DRP2: variants seen among roughly 807,000 people sequenced by gnomAD.
The protein encoded by DRP2 is dystrophin-related protein 2.
In DRP2, 29 loss-of-function variants were observed where a neutral mutation model predicts 78.2. The observed-to-expected ratio is 0.37, with a 90% CI of 0.28 to 0.51. DRP2 has a LOEUF of 0.51. Ranked by LOEUF, DRP2 falls within the 20% of genes least tolerant of loss-of-function variation. The pLI, the probability that DRP2 is intolerant of heterozygous loss-of-function variation, is 0.94. For missense variants in DRP2, 686 were observed against 770.6 expected, an observed-to-expected ratio of 0.89 and a Z score of 1.30; for synonymous variants, 290 against 281.9, an observed-to-expected ratio of 1.03 and a Z score of -0.29.
chrX:101,226,392 TC>T (rs773401669), intron 2 of DRP2, among the ~76,000 whole-genome samples: 1 of 112,307 alleles, frequency 8.9e-6, no homozygotes, highest in Admixed American at 9.5e-5. Context: ...CCTATACATC[TC>T]CAGTTTATGG....
chrX:101,229,593 A>AT (rs757522487), intron 2 of DRP2, among the ~76,000 whole-genome samples: 25 of 105,226 alleles, frequency 2.4e-4, no homozygotes, highest in Non-Finnish European at 3.1e-4. Context: ...GTGAAGTGAG[A>AT]TTTTTTTTTT....
chrX:101,221,633 C>G (rs1023105246), intron 1 of DRP2, among the ~76,000 whole-genome samples: 1 of 112,266 alleles, frequency 8.9e-6, no homozygotes, highest in African/African-American at 3.2e-5. Flanking sequence ...GCTCTGTGCT[C>G]CAGGTCAGAT....
rs1402813049 is a variant in DRP2, at chrX:101,224,667, C to A, written c.-103C>A. 1 of 112,486 alleles carries A rather than the reference C, an allele frequency of 8.9e-6. No individual in the cohort carries two copies. The highest frequency in any genetic ancestry group is 2.8e-4 in the East Asian group (1 of 3,552). The allele number at this position is 112,486 out of a possible 1,213,427, so 9.3% of individuals were successfully genotyped here. On this transcript the variant is annotated 5_prime_UTR_variant, in exon 2 of 24. Transcript: ENST00000395209. The stretch of plus-strand genomic sequence containing the variant: ...ATAACATTTGAATATCTACTAAATG[C>A]CAGAAACTATGAATTAACTCCTCTC...
In DRP2 at chrX:101,242,349, A is replaced by G. The variant is rs1200762256; in HGVS notation, c.853A>G (p.Met285Val). ...IKLFKEEFSP[M>V]KDGVKLVNDL... ...GCTGTTCAAAGAAGAATTCTCCCCC[A>G]TGAAAGATGGAGTAAAGTTGGTGAA... The change falls in exon 8 of 24, where the codon ATG becomes GTG. Residue 285 changes from methionine to valine, a missense_variant. Physicochemically the swap from Met to Val is conservative, Grantham distance 21. This residue lies in a region of DRP2 where 263 missense variants were observed against 239.1 expected (regional missense o/e 1.10). Transcript: ENST00000395209. The G allele has an allele frequency of 8.3e-7, 1 of 1,211,361 alleles. No homozygotes were observed. Among genetic ancestry groups the G allele is most frequent in the Middle Eastern group, 2.3e-4 (1 of 4,351 alleles).
rs747968199 is a variant in DRP2 at position 101,250,563 on chromosome X, C to T, written c.1681C>T (p.Arg561Cys). 7 of 1,195,359 alleles carry T rather than the reference C, an allele frequency of 5.9e-6. No homozygotes were observed. Among genetic ancestry groups the T allele is most frequent in the East Asian group, 3.0e-5 (1 of 33,479 alleles). Residue 561 changes from arginine to cysteine, a missense_variant, in exon 15 of 24, where the codon CGT (arginine) becomes TGT (cysteine). Physicochemically the swap from Arg to Cys is radical, Grantham distance 180 (BLOSUM62 -3). Transcript: ENST00000395209. ...FGGSNVEPSV[R>C]SCFRFSTGKP... ...GGGCAGCAATGTGGAGCCCAGTGTC[C>T]GTAGTTGCTTCCGTTTTGTGAGTAT...
At chrX:101,243,412 A>C (rs959045106) in intron 9 of DRP2, among the ~76,000 whole-genome samples, 11 of 102,590 alleles carry the variant, frequency 1.1e-4, no homozygotes, top group Middle Eastern at 4.9e-3. Flanking sequence ...AAAAAAAAAA[A>C]AAAACACAAT....
intron 22 of DRP2, among the ~76,000 whole-genome samples, chrX:101,259,028 T>C (rs1403458348): frequency 8.9e-6 from 1 of 111,743 alleles, no homozygotes; most frequent in East Asian, 2.8e-4. Context: ...GCAATGTGTA[T>C]GCTGTGGTAA....
At chrX:101,227,115 A>G in intron 2 of DRP2, among the ~76,000 whole-genome samples, 1 of 111,396 alleles carries the variant, frequency 9.0e-6, no homozygotes, top group Non-Finnish European at 1.9e-5. Context: ...TTATTAATTC[A>G]TTAATCCATG....
intron 1 of DRP2, among the ~76,000 whole-genome samples, chrX:101,224,274 G>A (rs1922031657): frequency 1.2e-5 from 1 of 82,708 alleles, no homozygotes. Flanking sequence ...CACAATCTCG[G>A]CTGGGAGGCT....
At chrX:101,248,931 G>A (rs1483643830) in intron 14 of DRP2, among the ~76,000 whole-genome samples, 2 of 112,262 alleles carry the variant, frequency 1.8e-5, no homozygotes, top group East Asian at 5.6e-4. Context: ...GGCCTATCAG[G>A]CTTAGCCCTC....
chrX:101,245,259 G>A (rs1922886288), intron 10 of DRP2, 129 bp from the exon 11 acceptor site: 2 of 823,058 alleles, frequency 2.4e-6, no homozygotes, highest in African/African-American at 2.0e-5. Context: ...TTGGGCTTTG[G>A]CATCTTGGGT....
At chrX:101,229,675 A>G (rs989810731) in intron 2 of DRP2, among the ~76,000 whole-genome samples, 1 of 110,937 alleles carries the variant, frequency 9.0e-6, no homozygotes, top group African/African-American at 3.3e-5. Flanking sequence ...AATGGTGGTT[A>G]TTTAATTATC....
At position 101,224,181 on chromosome X, in the gene DRP2, G is replaced by GTTTTTTTTTTTTTTT. The variant is rs1379202759; in HGVS notation, c.-166-423_-166-422insTTTTTTTTTTTTTTT. On this transcript the variant is annotated intron_variant, in intron 1 of 23. Coordinates refer to ENST00000395209, the MANE Select transcript of DRP2 (RefSeq NM_001939.3). ...TCCCAAGAATAATAAATGTTTGCTGGGTTTTTTTTGTTTTTTTTTTTTTTT... is the reference window on the plus strand; with the variant it reads ...TCCCAAGAATAATAAATGTTTGCTGGTTTTTTTTTTTTTTTGTTTTTTTTGTTTTTTTTTTTTTTT... Among the ~76,000 whole-genome samples the GTTTTTTTTTTTTTTT allele has an allele frequency of 8.2e-4, 39 of 47,652 alleles. 3 individuals carry two copies. Among genetic ancestry groups the GTTTTTTTTTTTTTTT allele is most frequent in the African/African-American group, 2.2e-3 (18 of 8,190 alleles). The allele number at this position is 47,652 out of a possible 115,157, so 41.4% of individuals were successfully genotyped here. A position where few individuals can be genotyped will look rare whatever the true frequency, so the allele number is the denominator to read the frequency against.
rs1923090192 is a variant in DRP2 at position 101,250,415 on chromosome X, G to A, written c.1541-8G>A. 8.3e-7 allele frequency: 1 copy of A among 1,211,487 alleles called. No homozygotes were observed. On this transcript the variant is annotated splice_polypyrimidine_tract_variant and splice_region_variant and intron_variant, in intron 14 of 23. Coordinates refer to ENST00000395209, the MANE Select transcript of DRP2 (RefSeq NM_001939.3). Reference sequence around the variant, plus strand: ...GGGGTTGGCCATTCTTGACGGTGGGGCCAGCAGACCTCTTCAGCCAAGTGG... The same window carrying A: ...GGGGTTGGCCATTCTTGACGGTGGGACCAGCAGACCTCTTCAGCCAAGTGG...
intron 5 of DRP2, 63 bp from the exon 6 acceptor site, chrX:101,238,918 G>A (rs1922606407): frequency 8.6e-7 from 1 of 1,158,193 alleles, no homozygotes; most frequent in East Asian, 3.0e-5. Flanking sequence ...TCAATTGCAG[G>A]ATGGAATGTA....
chrX:101,226,867 TATAAC>T (rs1286541010), intron 2 of DRP2, among the ~76,000 whole-genome samples: 5 of 112,082 alleles, frequency 4.5e-5, no homozygotes, highest in African/African-American at 1.6e-4. Context: ...TTCTGTTGCT[TATAAC>T]AGAATACCTG....
intron 3 of DRP2, 75 bp from the exon 4 acceptor site, chrX:101,235,785 G>A (rs1922477595): frequency 9.5e-7 from 1 of 1,056,104 alleles, no homozygotes; most frequent in Admixed American, 2.8e-5. Flanking sequence ...GTTCACACTT[G>A]TCTCACCCTT....
chrX:101,260,724 T>G lies in DRP2; in HGVS notation c.*103T>G. 1 of 1,010,749 alleles carries G rather than the reference T, an allele frequency of 9.9e-7. No individual in the cohort carries two copies. Among genetic ancestry groups the G allele is most frequent in the Non-Finnish European group, 1.3e-6 (1 of 751,337 alleles). 83.3% of individuals were successfully genotyped at this position (1,010,749 alleles called of 1,213,427 possible). On this transcript the variant is annotated 3_prime_UTR_variant, in exon 24 of 24. Transcript: ENST00000395209. ...CTTTCCAGTTTCCACTGGCCCCACATTCCTCAACTAGTATTATTTGGGCTC... is the reference window on the plus strand; with the variant it reads ...CTTTCCAGTTTCCACTGGCCCCACAGTCCTCAACTAGTATTATTTGGGCTC...
rs745397099 is a variant in DRP2 at position 101,239,026 on chromosome X, G to C, written c.484G>C (p.Val162Leu). The change falls in exon 6 of 24, where the codon GTG becomes CTG. Residue 162 changes from valine to leucine, a missense_variant. Around this residue, in one of 2 missense-constraint regions of DRP2, gnomAD observed 263 missense variants for 239.1 expected, o/e 1.10. Transcript: ENST00000395209. ...GTCTCGGGGCCCCTACATCTATTCT[G>C]TGCTGGAGTCAGCTCAGGCCTTCCT... ...VKSRGPYIYSVLESAQAFLSQ... is the reference protein window; with the variant it reads ...VKSRGPYIYSLLESAQAFLSQ... 40 of 1,209,247 alleles carry C rather than the reference G, an allele frequency of 3.3e-5. No individual in the cohort carries two copies. The highest frequency in any genetic ancestry group is 6.6e-5 in the Admixed American group (3 of 45,718).
Sources: allele counts gnomAD v4.1 joint callset (sites outside exome capture counted in the v4.1 genomes callset), GRCh38; gene constraint gnomAD v4.1.1; regional missense constraint gnomAD v4.1.1; transcripts MANE v1.5; gene names NCBI Gene and HGNC (gene_info 2026-07-23, HGNC 2026-07-21).